The following CGGBP1 variants were observed in gnomAD, a reference collection of about 807,000 sequenced individuals.
CGGBP1 encodes CGG triplet repeat-binding protein 1.
In CGGBP1, 4 loss-of-function variants were observed where a neutral mutation model predicts 11.4. The observed-to-expected ratio is 0.35, with a 90% confidence interval of 0.17 to 0.80. The LOEUF (loss-of-function observed/expected upper bound fraction) is 0.80. CGGBP1 is among the 30% of genes least tolerant of loss of function. CGGBP1 has a pLI of 0.52. For synonymous variants in CGGBP1, 76 were observed against 74.1 expected (o/e 1.03, Z -0.13); for missense variants, 135 against 202.1 (o/e 0.67, Z 2.01).
Position 88,091,476 on chromosome 3 carries a change from A to G in CGGBP1, c.-228-33253T>C, listed in dbSNP as rs1017550994. ...TTGGAATTTTTTCCCTCTTTCATCTATATAATCTTTGTTAACTTTAGTGTT... is the reference window on the plus strand; with the variant it reads ...TTGGAATTTTTTCCCTCTTTCATCTGTATAATCTTTGTTAACTTTAGTGTT... On this transcript the variant is annotated intron_variant, in intron 2 of 3. Coordinates refer to the CGGBP1 transcript ENST00000462901. 4.6e-5 allele frequency among the ~76,000 whole-genome samples: 7 copies of G among 152,116 alleles called. 1 individual carries two copies. The highest frequency in any genetic ancestry group is 2.9e-5 in the Non-Finnish European group (2 of 68,014).
intron 2 of CGGBP1, among the ~76,000 whole-genome samples, chr3:88,136,802 C>T (rs1312387717): frequency 6.6e-6 from 1 of 152,100 alleles, no homozygotes; most frequent in Admixed American, 6.6e-5. Context: ...CTGGAACCAT[C>T]AAAAGATTTC....
chr3:88,073,620 A>T (rs1452077836), intron 2 of CGGBP1, among the ~76,000 whole-genome samples: 1 of 152,232 alleles, frequency 6.6e-6, no homozygotes, highest in African/African-American at 2.4e-5. Flanking sequence ...CTATGAAATT[A>T]TACTGGGTTT....
chr3:88,103,651 A>G (rs533622387), intron 2 of CGGBP1, among the ~76,000 whole-genome samples: 70 of 152,306 alleles, frequency 4.6e-4, no homozygotes, highest in African/African-American at 1.4e-3. Context: ...AAAAAAAGAC[A>G]TGATCCAAAG....
intron 2 of CGGBP1, among the ~76,000 whole-genome samples, chr3:88,096,392 T>A (rs934286583): frequency 6.6e-6 from 1 of 152,060 alleles, no homozygotes; most frequent in Admixed American, 6.6e-5. Context: ...TGAAGAGATA[T>A]AACTACTGCT....
exon 2 of CGGBP1, chr3:88,141,004 A>T (rs1707093644): frequency 6.2e-7 from 1 of 1,611,392 alleles, no homozygotes; most frequent in Non-Finnish European, 8.5e-7. Context: ...CATCTTGCAC[A>T]AAAGAAATGT....
At chr3:88,126,340 C>T (rs1706095416) in intron 2 of CGGBP1, 2 of 1,288,356 alleles carry the variant, frequency 1.6e-6, no homozygotes, top group African/African-American at 1.5e-5. Flanking sequence ...CTAACTAGAG[C>T]AGTAATAGTA....
At chr3:88,149,645 T>C (rs1707372866) in intron 1 of CGGBP1, 1 of 155,646 alleles carries the variant, frequency 6.4e-6, no homozygotes, top group African/African-American at 2.4e-5. Flanking sequence ...GCCGCCTCCA[T>C]TGGCCGGCCC....
chr3:88,087,676 T>TA (rs1206744573), intron 2 of CGGBP1, among the ~76,000 whole-genome samples: 1 of 152,196 alleles, frequency 6.6e-6, no homozygotes, highest in African/African-American at 2.4e-5. Flanking sequence ...CAGTGGCTTA[T>TA]AAAAACACTT....
intron 2 of CGGBP1, among the ~76,000 whole-genome samples, chr3:88,069,098 A>C (rs575532254): frequency 1.3e-5 from 2 of 152,004 alleles, no homozygotes; most frequent in African/African-American, 4.8e-5. Flanking sequence ...GAAAAAAATC[A>C]AATTCAATCT....
upstream of CGGBP1, chr3:88,059,435 G>A (rs1268955581): frequency 1.3e-6 from 2 of 1,521,888 alleles, no homozygotes; most frequent in Non-Finnish European, 1.8e-6. Context: ...GGCAGAGGCG[G>A]CGCTGGCAGC....
At chr3:88,059,512 C>A (rs1437819032), upstream of CGGBP1, 10 of 1,465,858 alleles carry the variant, frequency 6.8e-6, no homozygotes, top group Non-Finnish European at 9.0e-6. Flanking sequence ...TCAGGTGAGG[C>A]GTCCGTTGGC....
intron 2 of CGGBP1, among the ~76,000 whole-genome samples, chr3:88,125,603 A>G (rs1559726893): frequency 6.6e-6 from 1 of 152,132 alleles, no homozygotes; most frequent in Non-Finnish European, 1.5e-5. Context: ...TAATTATCCA[A>G]CAAAGGGAAA....
chr3:88,097,568 C>A (rs1290441623), intron 2 of CGGBP1, among the ~76,000 whole-genome samples: 1 of 152,078 alleles, frequency 6.6e-6, no homozygotes, highest in Admixed American at 6.6e-5. Context: ...CCAAAATTGA[C>A]CACATAATTG....
chr3:88,078,720 T>G (rs897694817), intron 2 of CGGBP1, among the ~76,000 whole-genome samples: 2 of 152,146 alleles, frequency 1.3e-5, no homozygotes, highest in African/African-American at 4.8e-5. Context: ...ATATGAGAGA[T>G]ATGACAGACT....
At chr3:88,062,592 T>C (rs1024649527), upstream of CGGBP1, among the ~76,000 whole-genome samples, 1 of 152,218 alleles carries the variant, frequency 6.6e-6, no homozygotes, top group African/African-American at 2.4e-5. Flanking sequence ...TGTCACCAAA[T>C]ACACTGAATT....
chr3:88,129,756 A>G, intron 2 of CGGBP1: 6 of 1,529,172 alleles, frequency 3.9e-6, no homozygotes, highest in Non-Finnish European at 5.3e-6. Flanking sequence ...AGGCAAAACT[A>G]TGTTAGCCTT....
chr3:88,140,908 A>C, intron 2 of CGGBP1: 6 of 1,613,634 alleles, frequency 3.7e-6, no homozygotes, highest in Non-Finnish European at 4.2e-6. Flanking sequence ...TGTTCTGATC[A>C]AGATAACGTG....
rs141942791 is a variant in CGGBP1, at chr3:88,057,667, T to A, written c.-126+352A>T. On this transcript the variant is annotated intron_variant, in intron 2 of 3. Transcript: ENST00000482016. Reference sequence around the variant, plus strand: ...CCCCGTAATGCGTTAAGTCTTACTTTCTATGTAAAAAGTCTTGTATCTTTA... The same window carrying A: ...CCCCGTAATGCGTTAAGTCTTACTTACTATGTAAAAAGTCTTGTATCTTTA... 210 of 152,370 alleles carry A rather than the reference T, an allele frequency of 1.4e-3. 4 individuals carry two copies. Among genetic ancestry groups the A allele is most frequent in the African/African-American group, 4.8e-3 (200 of 41,580 alleles). 9.4% of individuals were successfully genotyped at this position (152,370 alleles called of 1,614,324 possible). A position where few individuals can be genotyped will look rare whatever the true frequency, so the allele number is the denominator to read the frequency against.
chr3:88,128,214 T>C (rs1034745938), intron 2 of CGGBP1, among the ~76,000 whole-genome samples: 3 of 152,246 alleles, frequency 2.0e-5, no homozygotes, highest in Non-Finnish European at 2.9e-5. Flanking sequence ...TTTAAAATTG[T>C]GTAAAGTATT....
Sources: allele counts gnomAD v4.1 joint callset (sites outside exome capture counted in the v4.1 genomes callset), GRCh38; gene constraint gnomAD v4.1.1; transcripts MANE v1.5; gene names NCBI Gene and HGNC (gene_info 2026-07-23, HGNC 2026-07-21).